The following SRRM3 variants were observed in gnomAD, a reference collection of about 807,000 sequenced individuals.
SRRM3 encodes the protein serine/arginine repetitive matrix protein 3.
SRRM3 carries 27 observed loss-of-function variants against 66.2 expected under a neutral mutation model. That is an observed-to-expected ratio of 0.41 (90% confidence interval 0.30 to 0.56). The LOEUF (loss-of-function observed/expected upper bound fraction) is 0.56, where lower values mean the gene tolerates loss of function less well. Ranked by LOEUF, SRRM3 falls within the 20% of genes least tolerant of loss-of-function variation. The probability of loss-of-function intolerance (pLI) is 0.32; values close to 1 mark genes in which losing one functional copy is unlikely to be tolerated. For missense variants in SRRM3, 918 were observed against 991.9 expected (o/e 0.93, Z 1.00); for synonymous variants, 391 against 414.9 (o/e 0.94, Z 0.70).
At chr7:76,270,528 T>G (rs1190946296) in intron 11 of SRRM3, among the ~76,000 whole-genome samples, 1 of 150,808 alleles carries the variant, frequency 6.6e-6, no homozygotes, top group Non-Finnish European at 1.5e-5. Flanking sequence ...ATACAAAAAT[T>G]CGGCTGGCCA....
Position 76,267,534 on chromosome 7 carries a change from TGGGGGC to T in SRRM3, c.1008+114_1008+119del, listed in dbSNP as rs573465424. On this transcript the variant is annotated intron_variant, in intron 11 of 14. Transcript: ENST00000611745. ...GGGGCAGGGGGCGATAAGTGTGGCA[TGGGGGC>T]GGGGGCGGGGGCGGCCGCTTCCTCC... 4.6e-4 allele frequency: 45 copies of T among 96,890 alleles called. 1 individual carries two copies. Among genetic ancestry groups the T allele is most frequent in the Non-Finnish European group, 8.2e-4 (41 of 49,792 alleles). The allele number at this position is 96,890 out of a possible 1,614,324, so 6.0% of individuals were successfully genotyped here.
At chr7:76,263,877 C>CAAAAAAAAAA (rs781852712) in intron 8 of SRRM3, among the ~76,000 whole-genome samples, 8 of 49,524 alleles carry the variant, frequency 1.6e-4, no homozygotes, top group Admixed American at 7.6e-4. Flanking sequence ...TGTCTCAAGA[C>CAAAAAAAAAA]AAAAAAAAAA....
chr7:76,284,834 G>C (rs1380003152), intron 14 of SRRM3, among the ~76,000 whole-genome samples: 1 of 152,186 alleles, frequency 6.6e-6, no homozygotes. Context: ...CTGGGCCAGC[G>C]GGAGGTAGCT....
chr7:76,202,909 T>G (rs1800192937), intron 1 of SRRM3, among the ~76,000 whole-genome samples: 1 of 152,148 alleles, frequency 6.6e-6, no homozygotes, highest in Non-Finnish European at 1.5e-5. Context: ...GAAGGGAAGG[T>G]TGTACCAAGG....
rs1554608775 is a variant in SRRM3 at position 76,261,558 on chromosome 7, G to C, written c.651G>C (p.Gly217=). Residue 217 remains glycine (G), a synonymous_variant, in exon 8 of 15, where the codon GGG becomes GGC. Coordinates refer to ENST00000611745, the MANE Select transcript of SRRM3 (RefSeq NM_001110199.3). ...TATCGCCCTACAGGTCTGATTCTGG[G>C]TCCCGGAGGAAGAGACGGCACAGGT... ...KKHRRDRSDS[G]SRRKRRHRSR... The C allele has an allele frequency of 6.2e-7, 1 of 1,612,104 alleles. No homozygotes were observed. Among genetic ancestry groups the C allele is most frequent in the Non-Finnish European group, 8.5e-7 (1 of 1,179,194 alleles).
intron 2 of SRRM3, among the ~76,000 whole-genome samples, chr7:76,243,568 G>T (rs1433092548): frequency 5.3e-5 from 8 of 152,106 alleles, no homozygotes; most frequent in African/African-American, 1.7e-4. Context: ...ATATGCCGCT[G>T]CAGGTCTCCC....
chr7:76,240,640 T>C (rs1163379175), intron 2 of SRRM3, among the ~76,000 whole-genome samples: 2 of 149,234 alleles, frequency 1.3e-5, no homozygotes, highest in Admixed American at 6.7e-5. Flanking sequence ...AAAAAAAACA[T>C]TTTTCACTCT....
chr7:76,218,864 G>GT (rs1441262726), intron 1 of SRRM3, among the ~76,000 whole-genome samples: 3 of 150,812 alleles, frequency 2.0e-5, no homozygotes, highest in East Asian at 3.9e-4. Context: ...TTTGTTTTTT[G>GT]TTTTTTTCAG....
intron 1 of SRRM3, among the ~76,000 whole-genome samples, chr7:76,226,509 G>A (rs1800867014): frequency 6.6e-6 from 1 of 152,256 alleles, no homozygotes; most frequent in Admixed American, 6.5e-5. Flanking sequence ...AGGGTGGCCG[G>A]TGGGGCCCCG....
intron 11 of SRRM3, among the ~76,000 whole-genome samples, chr7:76,274,304 G>T (rs1554610837): frequency 6.6e-6 from 1 of 152,244 alleles, no homozygotes; most frequent in African/African-American, 2.4e-5. Context: ...ATGGAGCTTT[G>T]GGGTGGGAGC....
chr7:76,276,267 T>C (rs945684307), intron 11 of SRRM3, among the ~76,000 whole-genome samples: 2 of 152,122 alleles, frequency 1.3e-5, no homozygotes, highest in African/African-American at 4.8e-5. Context: ...GCACCTCCTT[T>C]GTGCCAGGCC....
Position 76,283,172 on chromosome 7 carries a change from C to T in SRRM3, c.1733+71C>T, listed in dbSNP as rs910408188. 7.6e-6 allele frequency: 10 copies of T among 1,320,784 alleles called. No individual in the cohort carries two copies. The Admixed American group carries it at 1.7e-4, about 23-fold the overall frequency. The allele number at this position is 1,320,784 out of a possible 1,614,324, so 81.8% of individuals were successfully genotyped here. A position where few individuals can be genotyped will look rare whatever the true frequency, so the allele number is the denominator to read the frequency against. ...TGACCCGGATCAGGGACAGAGACCT[C>T]GGCCCGGGGACCTTCTCTGAGGATC... On this transcript the variant is annotated intron_variant, in intron 14 of 14. Coordinates refer to ENST00000611745, the MANE Select transcript of SRRM3 (RefSeq NM_001110199.3).
At chr7:76,205,501 C>A (rs1221547099) in intron 1 of SRRM3, among the ~76,000 whole-genome samples, 2 of 152,218 alleles carry the variant, frequency 1.3e-5, no homozygotes, top group African/African-American at 2.4e-5. Context: ...TAAGCCACCA[C>A]GCCCAGCCAT....
chr7:76,223,682 G>C (rs1200789207), intron 1 of SRRM3, among the ~76,000 whole-genome samples: 1 of 152,002 alleles, frequency 6.6e-6, no homozygotes, highest in Non-Finnish European at 1.5e-5. Flanking sequence ...CACCACACTG[G>C]GCTTTTTCTC....
intron 3 of SRRM3, among the ~76,000 whole-genome samples, chr7:76,250,105 G>A (rs12532915): frequency 0.38 from 56,988 of 151,750 alleles, 12,957 homozygotes; most frequent in Middle Eastern, 0.53. Context: ...GTGCAGTGGC[G>A]TGCTCTCGGG....
chr7:76,283,182 A>G, intron 14 of SRRM3, 81 bp downstream of exon 14: 1 of 1,246,454 alleles, frequency 8.0e-7, no homozygotes, highest in Non-Finnish European at 1.0e-6. Flanking sequence ...CGGCCCGGGG[A>G]CCTTCTCTGA....
chr7:76,208,738 G>C (rs371726145), intron 1 of SRRM3, among the ~76,000 whole-genome samples: 51 of 152,012 alleles, frequency 3.4e-4, no homozygotes, highest in Admixed American at 1.0e-3. Flanking sequence ...AGGAGGCTGA[G>C]GCACGAGAAT....
intron 14 of SRRM3, chr7:76,283,492 C>A: frequency 4.3e-6 from 2 of 463,752 alleles, no homozygotes; most frequent in Non-Finnish European, 8.5e-6. Flanking sequence ...CGTCTCCGGA[C>A]AATGATGTCT....
At chr7:76,283,201 T>C (rs1554612284) in intron 14 of SRRM3, 100 bp downstream of exon 14, 2 of 1,115,066 alleles carry the variant, frequency 1.8e-6, no homozygotes, top group African/African-American at 3.8e-5. Context: ...GAGGATCCAC[T>C]GAACCTGGCA....
Sources: gnomAD v4.1 joint callset for allele counts (sites outside exome capture counted in the v4.1 genomes callset) on GRCh38, gnomAD v4.1.1 for gene constraint, MANE v1.5 for transcripts, NCBI Gene and HGNC (gene_info 2026-07-23, HGNC 2026-07-21) for gene names.